Variants in CTNNA3 observed in about 807,000 individuals in gnomAD.
CTNNA3 encodes catenin alpha 3.
Under a neutral mutation model 95.7 loss-of-function variants are expected in CTNNA3, and 76 were observed. The ratio of observed to expected loss-of-function variants is 0.79; its 90% confidence interval spans 0.66 to 0.96. CTNNA3 has a LOEUF of 0.96. Ranked by LOEUF, CTNNA3 falls within the 40% of genes least tolerant of loss-of-function variation. The probability of loss-of-function intolerance (pLI) is 0.00; values close to 1 mark genes in which losing one functional copy is unlikely to be tolerated. For missense variants in CTNNA3, 1,191 were observed against 1,089.8 expected (o/e 1.09, Z -1.31); for synonymous variants, 431 against 374.4 (o/e 1.15, Z -1.74).
At chr10:66,040,460 A>G (rs1233481917) in intron 15 of CTNNA3, among the ~76,000 whole-genome samples, 1 of 151,984 alleles carries the variant, frequency 6.6e-6, no homozygotes, top group African/African-American at 2.4e-5. Context: ...ACAATAGCAA[A>G]GACATGGAAT....
chr10:66,640,186 C>A (rs1845468352), intron 9 of CTNNA3, among the ~76,000 whole-genome samples: 1 of 152,168 alleles, frequency 6.6e-6, no homozygotes, highest in South Asian at 2.1e-4. Context: ...TTTCTCCCCT[C>A]TATTGCATAT....
intron 15 of CTNNA3, among the ~76,000 whole-genome samples, chr10:66,009,896 A>G (rs1564575420): frequency 6.6e-6 from 1 of 152,230 alleles, no homozygotes; most frequent in Non-Finnish European, 1.5e-5. Flanking sequence ...CCAAAAATAT[A>G]CGTGTCGAGA....
chr10:67,098,418 C>G (rs755182388), intron 7 of CTNNA3: 2 of 152,000 alleles, frequency 1.3e-5, no homozygotes, highest in African/African-American at 4.8e-5. Flanking sequence ...ATTGTTCAGA[C>G]TTGTAAGAGG....
At chr10:66,829,801 G>C (rs894717572) in intron 7 of CTNNA3, among the ~76,000 whole-genome samples, 3 of 151,932 alleles carry the variant, frequency 2.0e-5, no homozygotes, top group Non-Finnish European at 2.9e-5. Flanking sequence ...CTACTGATCA[G>C]AAACTATGAG....
At chr10:66,626,984 A>G (rs1844958824) in intron 9 of CTNNA3, among the ~76,000 whole-genome samples, 1 of 152,038 alleles carries the variant, frequency 6.6e-6, no homozygotes, top group Non-Finnish European at 1.5e-5. Context: ...ACACAGATAC[A>G]TACTAGGATT....
chr10:66,417,994 G>A (rs1053850231), intron 11 of CTNNA3, among the ~76,000 whole-genome samples: 1 of 150,820 alleles, frequency 6.6e-6, no homozygotes, highest in Non-Finnish European at 1.5e-5. Context: ...ATTAGCAGGA[G>A]GCAAGAAATA....
At chr10:66,056,963 AC>A (rs1399220952) in intron 15 of CTNNA3, among the ~76,000 whole-genome samples, 2 of 152,164 alleles carry the variant, frequency 1.3e-5, no homozygotes, top group Admixed American at 1.3e-4. Context: ...CAGCCAACTT[AC>A]CTATATTTGC....
chr10:66,211,983 G>GTTTTTTT (rs61453326), intron 13 of CTNNA3, among the ~76,000 whole-genome samples: 13 of 95,010 alleles, frequency 1.4e-4, no homozygotes, highest in African/African-American at 2.2e-4. Flanking sequence ...TTGTTTTTGG[G>GTTTTTTT]TTTTTTTTTT....
chr10:67,156,535 T>C (rs2394357), intron 7 of CTNNA3, among the ~76,000 whole-genome samples: 53,204 of 151,870 alleles, frequency 0.35, 12,927 homozygotes, highest in African/African-American at 0.7. Context: ...CTTTAACTTG[T>C]TGTTTATGCA....
At chr10:66,685,217 GTGTATATATATA>G (rs1564617159) in intron 9 of CTNNA3, among the ~76,000 whole-genome samples, 34 of 120,218 alleles carry the variant, frequency 2.8e-4, no homozygotes, top group African/African-American at 1.1e-3. Flanking sequence ...GTATATATAT[GTGTATATATATA>G]CGTATATATG....
chr10:66,583,080 G>A (rs1235419503), intron 10 of CTNNA3, among the ~76,000 whole-genome samples: 1 of 151,604 alleles, frequency 6.6e-6, no homozygotes, highest in Admixed American at 6.6e-5. Context: ...ATTCATCAGA[G>A]ATTTGGTCTG....
chr10:66,480,026 G>T (rs1330085900), intron 11 of CTNNA3, among the ~76,000 whole-genome samples: 1 of 151,474 alleles, frequency 6.6e-6, no homozygotes, highest in African/African-American at 2.4e-5. Context: ...ATTAAGTAAA[G>T]CTAATGAACT....
chr10:66,443,486 AT>A lies in CTNNA3; in HGVS notation c.1532-64135del, dbSNP rs201017023. Among the ~76,000 whole-genome samples the A allele has an allele frequency of 4.9e-3, 748 of 152,120 alleles. 6 individuals are homozygous for A. The highest frequency in any genetic ancestry group is 0.012 in the African/African-American group (500 of 41,520). Reference sequence around the variant, plus strand: ...TCCAGAGGAACGATCAGGCAGCAGCATTTGCGGGTCACCAAAATCCGCTGTT... The same window carrying A: ...TCCAGAGGAACGATCAGGCAGCAGCATTGCGGGTCACCAAAATCCGCTGTT... On this transcript the variant is annotated intron_variant, in intron 11 of 17. Transcript: ENST00000433211.
intron 9 of CTNNA3, among the ~76,000 whole-genome samples, chr10:66,640,063 A>G (rs1564586838): frequency 1.3e-5 from 2 of 152,322 alleles, no homozygotes; most frequent in East Asian, 3.9e-4. Flanking sequence ...TGCTTAATTA[A>G]AAGTTTTGGA....
chr10:67,127,899 C>T (rs909553218), intron 7 of CTNNA3, among the ~76,000 whole-genome samples: 2 of 151,702 alleles, frequency 1.3e-5, no homozygotes, highest in Non-Finnish European at 2.9e-5. Context: ...TGTGCATGTG[C>T]GTGCACATGT....
At chr10:66,783,149 G>A (rs4642969) in intron 7 of CTNNA3, among the ~76,000 whole-genome samples, 102,220 of 151,984 alleles carry the variant, frequency 0.67, 34,962 homozygotes, top group East Asian at 1. Context: ...TCTCAGACCA[G>A]AGATACTCAC....
At chr10:66,789,737 A>G (rs1403624801) in intron 7 of CTNNA3, among the ~76,000 whole-genome samples, 1 of 152,168 alleles carries the variant, frequency 6.6e-6, no homozygotes, top group Non-Finnish European at 1.5e-5. Flanking sequence ...GAAGTAGTTA[A>G]ATAGTAATGT....
chr10:67,744,250 CTA>C (rs1160768370), intron 1 of CTNNA3, among the ~76,000 whole-genome samples: 1 of 151,284 alleles, frequency 6.6e-6, no homozygotes, highest in Non-Finnish European at 1.5e-5. Flanking sequence ...TGACTTCACA[CTA>C]TACTACAAGG....
At chr10:66,192,443 C>T (rs1043433940) in intron 13 of CTNNA3, among the ~76,000 whole-genome samples, 1 of 152,118 alleles carries the variant, frequency 6.6e-6, no homozygotes, top group African/African-American at 2.4e-5. Context: ...TTGATATTCC[C>T]GTCATTTTAA....
Sources: allele counts gnomAD v4.1 joint callset (sites outside exome capture counted in the v4.1 genomes callset), GRCh38; gene constraint gnomAD v4.1.1; transcripts MANE v1.5; gene names NCBI Gene and HGNC (gene_info 2026-07-23, HGNC 2026-07-21).